The following NBEAL1 variants were observed in gnomAD, a reference collection of about 807,000 sequenced individuals.
NBEAL1 encodes the protein neurobeachin-like protein 1.
In NBEAL1, 273 loss-of-function variants were observed where a neutral mutation model predicts 351.3. That is an observed-to-expected ratio of 0.78 (90% CI 0.70 to 0.86). The LOEUF is 0.86. NBEAL1 is among the 40% of genes least tolerant of loss of function. NBEAL1 has a pLI of 0.00. For synonymous variants in NBEAL1, 1,050 were observed against 1,086.4 expected, an observed-to-expected ratio of 0.97 and a Z score of 0.66; for missense variants, 2,961 against 3,201.3, an observed-to-expected ratio of 0.92 and a Z score of 1.81.
chr2:203,041,352 G>GA (rs1414794821), intron 2 of NBEAL1, among the ~76,000 whole-genome samples: 2 of 151,808 alleles, frequency 1.3e-5, no homozygotes, highest in Admixed American at 6.6e-5. Flanking sequence ...CAGTTGTCCA[G>GA]AAAAAAAAGA....
chr2:203,205,942 G>A (rs970986931), intron 51 of NBEAL1, among the ~76,000 whole-genome samples: 5 of 152,240 alleles, frequency 3.3e-5, no homozygotes, highest in African/African-American at 1.2e-4. Flanking sequence ...CATGGAACAG[G>A]TGGAAGGTGT....
chr2:203,070,678 CT>C (rs2061667632), intron 7 of NBEAL1, among the ~76,000 whole-genome samples: 1 of 152,200 alleles, frequency 6.6e-6, no homozygotes, highest in Non-Finnish European at 1.5e-5. Context: ...CTTTTACTTA[CT>C]GCAGAAGGCA....
Position 203,107,533 on chromosome 2 carries a change from T to C in NBEAL1, c.1368+15T>C. On this transcript the variant is annotated intron_variant, in intron 13 of 55. Transcript: ENST00000683969. ...TTATGAATATGGTGAGTTTATAACC[T>C]TTATTAAGAGAATTTCTGTTAATAT... 6.5e-7 allele frequency: 1 copy of C among 1,540,668 alleles called. No individual in the cohort carries two copies. The highest frequency in any genetic ancestry group is 8.8e-7 in the Non-Finnish European group (1 of 1,140,252).
chr2:203,115,572 G>T (rs2106254099), intron 17 of NBEAL1, among the ~76,000 whole-genome samples: 1 of 151,856 alleles, frequency 6.6e-6, no homozygotes, highest in African/African-American at 2.4e-5. Context: ...GAGACTACAG[G>T]CACATGCCAC....
At position 203,108,052 on chromosome 2, in the gene NBEAL1, A is replaced by G; in HGVS notation, c.1813A>G (p.Met605Val). 6.4e-7 allele frequency: 1 copy of G among 1,552,982 alleles called. No individual in the cohort carries two copies. Among genetic ancestry groups the G allele is most frequent in the Non-Finnish European group, 8.7e-7 (1 of 1,147,386 alleles). ...CCAGTATTTCAATTTGTCACATAGT[A>G]TGGCAGGAATTTCTGTGCCTCCCAT... Reference protein sequence around the residue: ...ALQYFNLSHSMAGISVPPIQK... With the variant: ...ALQYFNLSHSVAGISVPPIQK... The change falls in exon 14 of 56, where the codon ATG (methionine) becomes GTG (valine). Residue 605 changes from methionine (M) to valine (V), a missense_variant. Met to Val is a conservative substitution (Grantham distance 21). Coordinates refer to ENST00000683969, the MANE Select transcript of NBEAL1 (RefSeq NM_001378026.1).
At chr2:203,070,456 TG>T in intron 7 of NBEAL1, among the ~76,000 whole-genome samples, 1 of 151,138 alleles carries the variant, frequency 6.6e-6, no homozygotes, top group East Asian at 1.9e-4. Flanking sequence ...CTTAAACTCC[TG>T]GGCTCAAGTG....
At chr2:203,041,887 G>A in intron 3 of NBEAL1, 31 bp downstream of exon 3, 1 of 1,433,426 alleles carries the variant, frequency 7.0e-7, no homozygotes, top group African/African-American at 1.4e-5. Context: ...GTAACCCCTG[G>A]ATGAGTTTTT....
intron 2 of NBEAL1, 117 bp downstream of exon 2, chr2:203,016,552 C>A: frequency 1.7e-6 from 1 of 589,822 alleles, no homozygotes; most frequent in Non-Finnish European, 2.6e-6. Context: ...ATGAATAACC[C>A]CAAACTTAAA....
In NBEAL1 at chr2:203,216,111, G is replaced by A. The variant is rs115227982; in HGVS notation, c.8071-1142G>A. Among the ~76,000 whole-genome samples, 445 of 151,530 alleles carry A rather than the reference G, an allele frequency of 2.9e-3. 2 individuals are homozygous for A. The highest frequency in any genetic ancestry group is 5.7e-3 in the Non-Finnish European group (386 of 67,954). ...TAGGGGATTTTTGCCCCATCTGGATGTATAAACACTTTTAAAAGACATTTA... is the reference window on the plus strand; with the variant it reads ...TAGGGGATTTTTGCCCCATCTGGATATATAAACACTTTTAAAAGACATTTA... On this transcript the variant is annotated intron_variant, in intron 55 of 55. Coordinates refer to ENST00000683969, the MANE Select transcript of NBEAL1 (RefSeq NM_001378026.1).
intron 31 of NBEAL1, among the ~76,000 whole-genome samples, chr2:203,144,343 A>G (rs532688141): frequency 4.6e-5 from 7 of 152,284 alleles, no homozygotes; most frequent in African/African-American, 1.7e-4. Context: ...TTGAGAAAAC[A>G]ATGCAAATGC....
At chr2:203,098,892 A>C (rs2062243798) in intron 11 of NBEAL1, among the ~76,000 whole-genome samples, 2 of 152,208 alleles carry the variant, frequency 1.3e-5, no homozygotes, top group Non-Finnish European at 2.9e-5. Context: ...AACTAGATAA[A>C]CAAGATTATT....
At chr2:203,128,601 C>CTT (rs35686158) in intron 24 of NBEAL1, among the ~76,000 whole-genome samples, 60,977 of 139,316 alleles carry the variant, frequency 0.44, 15,655 homozygotes, top group Middle Eastern at 0.67. Flanking sequence ...AGATTTCTTT[C>CTT]TTTTTTTTTT....
chr2:203,198,003 A>G (rs909313827), intron 48 of NBEAL1, among the ~76,000 whole-genome samples: 2 of 146,276 alleles, frequency 1.4e-5, no homozygotes, highest in African/African-American at 5.0e-5. Context: ...CCTTATATAT[A>G]TATTTTTTTT....
At chr2:203,071,913 T>G (rs1484774727) in intron 7 of NBEAL1, among the ~76,000 whole-genome samples, 2 of 152,208 alleles carry the variant, frequency 1.3e-5, no homozygotes, top group Non-Finnish European at 2.9e-5. Flanking sequence ...TGGTTGATAC[T>G]CTGTACTTCA....
In NBEAL1 at chr2:203,062,225, C is replaced by T. The variant is rs1301256876; in HGVS notation, c.515+4772C>T. On this transcript the variant is annotated intron_variant, in intron 6 of 55. Transcript: ENST00000683969. This position sits in a 1 kb window ranked among gnomAD's most constrained non-coding sequence, Gnocchi z 4.2. ...TCTACCATATGACTTACATTTCTCC[C>T]ATATTTTCTGACTTGATCGTCAACA... The T allele has an allele frequency of 6.6e-6, 3 of 456,428 alleles. No individual in the cohort carries two copies. Among genetic ancestry groups the T allele is most frequent in the Non-Finnish European group, 1.3e-5 (3 of 226,900 alleles). The allele number at this position is 456,428 out of a possible 1,614,324, so 28.3% of individuals were successfully genotyped here.
At position 203,221,894 on chromosome 2, in the gene NBEAL1, T is replaced by G. The variant is rs1327186747; in HGVS notation, c.*4540T>G. On this transcript the variant is annotated 3_prime_UTR_variant, in exon 56 of 56. Transcript: ENST00000683969. Reference sequence around the variant, plus strand: ...AATGTGGACCACAGCCTGCCTTCTTTAGTTTAAATCTAGGCCAAGCATGGT... The same window carrying G: ...AATGTGGACCACAGCCTGCCTTCTTGAGTTTAAATCTAGGCCAAGCATGGT... 1.3e-5 allele frequency among the ~76,000 whole-genome samples: 2 copies of G among 152,150 alleles called. No individual in the cohort carries two copies. The highest frequency in any genetic ancestry group is 2.4e-5 in the African/African-American group (1 of 41,442).
Position 203,218,000 on chromosome 2 carries a change from C to G in NBEAL1, c.*646C>G. The stretch of plus-strand genomic sequence containing the variant: ...GTAGAAAAAAGTGGAACTAGAGATA[C>G]ATTTTACAGATGTATTTCCTTAATA... On this transcript the variant is annotated 3_prime_UTR_variant, in exon 56 of 56. Coordinates refer to ENST00000683969, the MANE Select transcript of NBEAL1 (RefSeq NM_001378026.1). 2 of 818,196 alleles carry G rather than the reference C, an allele frequency of 2.4e-6. No homozygotes were observed. Among genetic ancestry groups the G allele is most frequent in the Non-Finnish European group, 3.0e-6 (2 of 677,634 alleles). The allele number at this position is 818,196 out of a possible 1,614,324, so 50.7% of individuals were successfully genotyped here. A position where few individuals can be genotyped will look rare whatever the true frequency, so the allele number is the denominator to read the frequency against.
chr2:203,155,515 C>A (rs2063776800), intron 35 of NBEAL1, among the ~76,000 whole-genome samples: 1 of 152,122 alleles, frequency 6.6e-6, no homozygotes, highest in Non-Finnish European at 1.5e-5. Context: ...CCACTCATTG[C>A]AGCCTTGAGC....
At chr2:203,046,849 GTTCACATTGAAAGCTCTACCA>G (rs1338294576) in intron 3 of NBEAL1, among the ~76,000 whole-genome samples, 11 of 152,158 alleles carry the variant, frequency 7.2e-5, no homozygotes. Flanking sequence ...GACCACAGCA[GTTCACATTGAAAGCTCTACCA>G]TTCCTTAAAA....
Sources: allele counts gnomAD v4.1 joint callset (sites outside exome capture counted in the v4.1 genomes callset), GRCh38; gene constraint gnomAD v4.1.1; non-coding constraint Gnocchi (gnomAD v3.1); transcripts MANE v1.5; gene names NCBI Gene and HGNC (gene_info 2026-07-23, HGNC 2026-07-21).